EIF2B2: variants seen among roughly 807,000 people sequenced by gnomAD.
EIF2B2 encodes eukaryotic translation initiation factor 2B subunit beta.
EIF2B2 carries 34 observed loss-of-function variants against 34.7 expected under a neutral mutation model. That is an observed-to-expected ratio of 0.98 (90% CI 0.75 to 1.31). EIF2B2 has a LOEUF of 1.31. EIF2B2 is among the 50% of genes most tolerant of loss of function. EIF2B2 has a pLI of 0.00. For synonymous variants in EIF2B2, 155 were observed against 171.6 expected (o/e 0.90, Z 0.76); for missense variants, 361 against 447.7 (o/e 0.81, Z 1.75).
rs370417944 is a variant in EIF2B2, at chr14:75,006,545, G to C, written c.694-32G>C. 5.6e-6 allele frequency: 9 copies of C among 1,612,006 alleles called. No individual in the cohort carries two copies. In the East Asian group the frequency reaches 2.0e-4, roughly 36 times the overall value. On this transcript the variant is annotated intron_variant, in intron 5 of 7. Coordinates refer to ENST00000266126, the MANE Select transcript of EIF2B2 (RefSeq NM_014239.4). This position sits in a 1 kb window ranked among gnomAD's most constrained non-coding sequence, Gnocchi z 4.1. ...TGGCCCTTTTAGGGCTCCACCCCCA[G>C]GATGGCTCACATTTTTTGTCTTGTC...
rs143922734 is a variant in EIF2B2 at position 75,005,276 on chromosome 14, G to A, written c.597+376G>A. Among the ~76,000 whole-genome samples, 180 of 152,042 alleles carry A rather than the reference G, an allele frequency of 1.2e-3. No homozygotes were observed. The East Asian group carries it at 0.026, about 22-fold the overall frequency. The stretch of plus-strand genomic sequence containing the variant: ...CCTGTAATCCCAGCTACTCTGGAGG[G>A]TGAGGCAGGAGAATTGCTTGAACCT... On this transcript the variant is annotated intron_variant, in intron 4 of 7. Coordinates refer to ENST00000266126, the MANE Select transcript of EIF2B2 (RefSeq NM_014239.4).
At chr14:75,003,722 A>G in intron 3 of EIF2B2, 23 bp downstream of exon 3, 1 of 1,614,094 alleles carries the variant, frequency 6.2e-7, no homozygotes, top group Non-Finnish European at 8.5e-7. Flanking sequence ...ATCGCTGGGA[A>G]AATGGGACTG....
At position 75,003,016 on chromosome 14, in the gene EIF2B2, C is replaced by T. The variant is rs1328076966; in HGVS notation, c.26C>T (p.Ser9Leu). Residue 9 changes from serine to leucine, a missense_variant, in exon 1 of 8, where the codon TCG (serine) becomes TTG (leucine). Transcript: ENST00000266126. Reference sequence around the variant, plus strand: ...ATGCCGGGATCCGCAGCGAAGGGCTCGGAGTTGTCAGAGAGGATCGAGAGC... The same window carrying T: ...ATGCCGGGATCCGCAGCGAAGGGCTTGGAGTTGTCAGAGAGGATCGAGAGC... MPGSAAKG[S>L]ELSERIESFV... 3 of 1,614,110 alleles carry T rather than the reference C, an allele frequency of 1.9e-6. No homozygotes were observed. The highest frequency in any genetic ancestry group is 1.1e-5 in the South Asian group (1 of 91,088).
In EIF2B2 at chr14:75,002,949, T is replaced by A; in HGVS notation, c.-42T>A. 1 of 1,612,590 alleles carries A rather than the reference T, an allele frequency of 6.2e-7. No homozygotes were observed. Among genetic ancestry groups the A allele is most frequent in the Non-Finnish European group, 8.5e-7 (1 of 1,179,918 alleles). ...AGTGCAAACTGTGTGGTCTGGCAGGTGTGGATTCCGCCGGTGAAGGCTGAA... is the reference window on the plus strand; with the variant it reads ...AGTGCAAACTGTGTGGTCTGGCAGGAGTGGATTCCGCCGGTGAAGGCTGAA... On this transcript the variant is annotated 5_prime_UTR_variant, in exon 1 of 8. Transcript: ENST00000266126.
Position 75,003,166 on chromosome 14 carries a change from T to C in EIF2B2, c.163+13T>C. ...TGGAGCAACGCGGGTGAGGCCGGCC[T>C]GCCTCCGCCGGCGAACCTGGCCCCT... is the stretch of plus-strand genomic sequence containing the variant. On this transcript the variant is annotated intron_variant, in intron 1 of 7. Transcript: ENST00000266126. 6.2e-7 allele frequency: 1 copy of C among 1,613,320 alleles called. No individual in the cohort carries two copies. Among genetic ancestry groups the C allele is most frequent in the Non-Finnish European group, 8.5e-7 (1 of 1,179,894 alleles).
intron 6 of EIF2B2, 69 bp from the exon 7 acceptor site, chr14:75,007,653 A>G: frequency 1.5e-6 from 2 of 1,299,580 alleles, no homozygotes; most frequent in Non-Finnish European, 2.2e-6. Context: ...ATATGTTTTC[A>G]TCTCTAGGGT....
intron 3 of EIF2B2, 48 bp from the exon 4 acceptor site, chr14:75,004,689 A>ATATATATATATATT: frequency 6.8e-6 from 1 of 146,204 alleles, no homozygotes; most frequent in African/African-American, 7.2e-5. Flanking sequence ...ATATATATAT[A>ATATATATATATATT]TTTTTTTTTT....
At position 75,009,033 on chromosome 14, in the gene EIF2B2, G is replaced by A. The variant is rs749059127; in HGVS notation, c.901G>A (p.Asp301Asn). The A allele has an allele frequency of 1.2e-5, 20 of 1,613,964 alleles. No individual in the cohort carries two copies. The highest frequency in any genetic ancestry group is 3.3e-4 in the Middle Eastern group (2 of 6,070). ...TAGCATGTGTGCTTGCCTTTCAGGG[G>A]ACATTCTGGAGAAGGTCAGCGTGCA... ...PEEVLPFTEG[D>N]ILEKVSVHCP... Residue 301 changes from aspartate (D) to asparagine (N), a missense_variant and splice_region_variant, in exon 8 of 8, where the codon GAC becomes AAC. Physicochemically the swap from Asp to Asn is conservative, Grantham distance 23 (BLOSUM62 1). Transcript: ENST00000266126.
In EIF2B2 at chr14:75,009,388, A is replaced by C. The variant is rs1889673864; in HGVS notation, c.*200A>C. ...TCCAGGACTGTGTCTTGCCTTTCAG[A>C]TCTTAACAGAGCAGCAGGGCTTAAC... On this transcript the variant is annotated 3_prime_UTR_variant, in exon 8 of 8. Transcript: ENST00000266126. 1.6e-6 allele frequency: 1 copy of C among 623,910 alleles called. No homozygotes were observed. The highest frequency in any genetic ancestry group is 2.9e-6 in the Non-Finnish European group (1 of 349,836). 38.6% of individuals were successfully genotyped at this position (623,910 alleles called of 1,614,324 possible).
chr14:75,006,549 G>C lies in EIF2B2; in HGVS notation c.694-28G>C. 1 of 1,612,484 alleles carries C rather than the reference G, an allele frequency of 6.2e-7. No homozygotes were observed. Among genetic ancestry groups the C allele is most frequent in the Middle Eastern group, 1.7e-4 (1 of 6,044 alleles). ...CCTTTTAGGGCTCCACCCCCAGGAT[G>C]GCTCACATTTTTTGTCTTGTCCCAA... is the stretch of plus-strand genomic sequence containing the variant. On this transcript the variant is annotated intron_variant, in intron 5 of 7. Coordinates refer to ENST00000266126, the MANE Select transcript of EIF2B2 (RefSeq NM_014239.4). This position sits in a 1 kb window ranked among gnomAD's most constrained non-coding sequence, Gnocchi z 4.1.
rs1180705241 is a variant in EIF2B2 at position 75,006,614 on chromosome 14, C to T, written c.731C>T (p.Ala244Val). 1 of 1,614,176 alleles carries T rather than the reference C, an allele frequency of 6.2e-7. No homozygotes were observed. The highest frequency in any genetic ancestry group is 2.2e-5 in the East Asian group (1 of 44,878). ...IGTKTILANG[A>V]LRAVTGTHTL... is the part of the protein sequence containing the mutation. ...ACGAAGACCATCCTGGCCAATGGGG[C>T]CCTGAGAGCTGTGACAGGAACTCAC... The change falls in exon 6 of 8, where the codon GCC (alanine) becomes GTC (valine). Residue 244 changes from alanine to valine, a missense_variant. Ala to Val is a moderately conservative substitution (Grantham distance 64). Coordinates refer to ENST00000266126, the MANE Select transcript of EIF2B2 (RefSeq NM_014239.4). This position sits in a 1 kb window ranked among gnomAD's most constrained non-coding sequence, Gnocchi z 4.1.
In EIF2B2 at chr14:75,010,047, A is replaced by G. The variant is rs1889684158; in HGVS notation, c.*859A>G. 6.6e-6 allele frequency: 1 copy of G among 152,238 alleles called. No homozygotes were observed. The highest frequency in any genetic ancestry group is 1.5e-5 in the Non-Finnish European group (1 of 68,060). 9.4% of individuals were successfully genotyped at this position (152,238 alleles called of 1,614,324 possible). ...TACAAATGAAAGTATAGTTTCCTTT[A>G]CAATTCACTGCTCCTGGCCCCAAAG... is the stretch of plus-strand genomic sequence containing the variant. On this transcript the variant is annotated 3_prime_UTR_variant, in exon 8 of 8. Coordinates refer to ENST00000266126, the MANE Select transcript of EIF2B2 (RefSeq NM_014239.4).
chr14:75,003,208 A>G, intron 1 of EIF2B2, 55 bp downstream of exon 1: 1 of 1,613,266 alleles, frequency 6.2e-7, no homozygotes, highest in Non-Finnish European at 8.5e-7. Flanking sequence ...TCCCGATCCC[A>G]GGGCTGAAAA....
chr14:75,007,642 C>G (rs896417901), intron 6 of EIF2B2, 80 bp from the exon 7 acceptor site: 2 of 1,189,104 alleles, frequency 1.7e-6, no homozygotes, highest in African/African-American at 3.0e-5. Context: ...TCTGTGTGGA[C>G]ATATGTTTTC....
At chr14:75,005,002 C>A in intron 4 of EIF2B2, 102 bp downstream of exon 4, 1 of 1,161,478 alleles carries the variant, frequency 8.6e-7, no homozygotes, top group Non-Finnish European at 1.3e-6. Flanking sequence ...ATAAGCAAGA[C>A]TTTGAGACAC....
At chr14:75,008,922 T>A in intron 7 of EIF2B2, 109 bp from the exon 8 acceptor site, 1 of 1,441,140 alleles carries the variant, frequency 6.9e-7, no homozygotes, top group East Asian at 2.3e-5. Flanking sequence ...TAGCTTCCCG[T>A]CCTTGGGGAG....
chr14:75,003,306 C>G lies in EIF2B2; in HGVS notation c.195C>G (p.Gly65=), dbSNP rs1889568669. 1 of 1,613,756 alleles carries G rather than the reference C, an allele frequency of 6.2e-7. No individual in the cohort carries two copies. Among genetic ancestry groups the G allele is most frequent in the Admixed American group, 1.7e-5 (1 of 59,988 alleles). Residue 65 remains glycine (G), a synonymous_variant, in exon 2 of 8, where the codon GGC becomes GGG. Coordinates refer to ENST00000266126, the MANE Select transcript of EIF2B2 (RefSeq NM_014239.4). ...TGATGGAGCTGATCCGCAGAGAGGGCAGGAGGATGACGGCCGCTCAGCCCT... is the reference window on the plus strand; with the variant it reads ...TGATGGAGCTGATCCGCAGAGAGGGGAGGAGGATGACGGCCGCTCAGCCCT... The part of the protein sequence containing the change: ...GELMELIRRE[G]RRMTAAQPSE...
At position 75,004,717 on chromosome 14, in the gene EIF2B2, T is replaced by G; in HGVS notation, c.434-20T>G. 9.1e-7 allele frequency: 1 copy of G among 1,093,960 alleles called. No homozygotes were observed. Among genetic ancestry groups the G allele is most frequent in the Non-Finnish European group, 1.1e-6 (1 of 872,680 alleles). The allele number at this position is 1,093,960 out of a possible 1,614,324, so 67.8% of individuals were successfully genotyped here. A position where few individuals can be genotyped will look rare whatever the true frequency, so the allele number is the denominator to read the frequency against. On this transcript the variant is annotated intron_variant, in intron 3 of 7. Transcript: ENST00000266126. The stretch of plus-strand genomic sequence containing the variant: ...TTTTTTTTTTTTTTTTTTTTTTTTT[T>G]TGCAAAACCGTTCTTACAGAAGGGA...
At chr14:75,007,145 AT>A (rs1381764456) in intron 6 of EIF2B2, 7 of 457,998 alleles carry the variant, frequency 1.5e-5, no homozygotes, top group Admixed American at 2.4e-5. Context: ...CTTTGAAAAC[AT>A]CAACCTATTT....
Sources: allele counts gnomAD v4.1 joint callset (sites outside exome capture counted in the v4.1 genomes callset), GRCh38; gene constraint gnomAD v4.1.1; non-coding constraint Gnocchi (gnomAD v3.1); transcripts MANE v1.5; gene names NCBI Gene and HGNC (gene_info 2026-07-23, HGNC 2026-07-21).